Variants in SNTG1 observed in about 807,000 individuals in gnomAD.
The protein encoded by SNTG1 is gamma-1-syntrophin.
A neutral mutation model predicts 74.7 loss-of-function variants in SNTG1; 39 were observed. The observed-to-expected ratio is 0.52, with a 90% CI of 0.40 to 0.68. The LOEUF is 0.68. Among genes scored for constraint, SNTG1 ranks in the 30% least tolerant of loss-of-function variants. The pLI is 0.00. For missense variants in SNTG1, 685 were observed against 609.5 expected (o/e 1.12, Z -1.30); for synonymous variants, 254 against 217.1 (o/e 1.17, Z -1.49).
intron 4 of SNTG1, among the ~76,000 whole-genome samples, chr8:50,405,453 G>T (rs1307764710): frequency 1.3e-5 from 2 of 151,884 alleles, no homozygotes; most frequent in African/African-American, 4.8e-5. Context: ...GTCCTCTTTG[G>T]GTAAGTGTCT....
intron 2 of SNTG1, among the ~76,000 whole-genome samples, chr8:50,319,357 C>A (rs1270222165): frequency 7.2e-6 from 1 of 139,268 alleles, no homozygotes; most frequent in East Asian, 2.4e-4. Flanking sequence ...AAGCAAGACT[C>A]CTTCTCAAAA....
At chr8:50,436,178 G>T (rs1035628535) in intron 4 of SNTG1, among the ~76,000 whole-genome samples, 1 of 152,106 alleles carries the variant, frequency 6.6e-6, no homozygotes, top group African/African-American at 2.4e-5. Flanking sequence ...CTGGATGACT[G>T]CACCACTGAT....
intron 1 of SNTG1, among the ~76,000 whole-genome samples, chr8:50,093,675 G>A (rs1180786773): frequency 6.6e-6 from 1 of 152,088 alleles, no homozygotes; most frequent in Admixed American, 6.6e-5. Flanking sequence ...GAGATGCTAA[G>A]TATTATAAAA....
chr8:50,394,975 T>C (rs1335940144), intron 3 of SNTG1, among the ~76,000 whole-genome samples: 1 of 152,130 alleles, frequency 6.6e-6, no homozygotes, highest in Non-Finnish European at 1.5e-5. Flanking sequence ...ATTTTTTTAT[T>C]GTATATAAAC....
chr8:50,758,264 A>G (rs368624703), intron 18 of SNTG1, among the ~76,000 whole-genome samples: 1 of 151,876 alleles, frequency 6.6e-6, no homozygotes, highest in Non-Finnish European at 1.5e-5. Context: ...TGCTTGCCCT[A>G]TCTCTGTAAA....
chr8:50,175,778 C>A (rs2082978235), intron 2 of SNTG1, among the ~76,000 whole-genome samples: 1 of 152,156 alleles, frequency 6.6e-6, no homozygotes, highest in Non-Finnish European at 1.5e-5. Flanking sequence ...TTCTGACAAT[C>A]CTGAAAAGTA....
chr8:50,513,261 G>T (rs569244898), intron 9 of SNTG1, among the ~76,000 whole-genome samples: 1 of 152,308 alleles, frequency 6.6e-6, no homozygotes, highest in Admixed American at 6.5e-5. Flanking sequence ...ATTGCTGCCT[G>T]ATCGTTCCTC....
chr8:50,792,080 ATTT>A (rs33919155), intron 18 of SNTG1, among the ~76,000 whole-genome samples: 1 of 143,050 alleles, frequency 7.0e-6, no homozygotes, highest in African/African-American at 2.5e-5. Flanking sequence ...GCTCTAGTTT[ATTT>A]TTTTTTTTTT....
chr8:50,462,794 CTCTT>C lies in SNTG1; in HGVS notation c.363+12067_363+12070del, dbSNP rs2093576393. On this transcript the variant is annotated intron_variant, in intron 8 of 18. Coordinates refer to ENST00000642720, the MANE Select transcript of SNTG1 (RefSeq NM_018967.5). ...AACTCAGTCGCATCTTCAGGTTCTA[CTCTT>C]TTTTTTTTTTTTTTTTTTTTTTTTT... Among the ~76,000 whole-genome samples, 50 of 43,624 alleles carry C rather than the reference CTCTT, an allele frequency of 1.1e-3. 16 individuals are homozygous for C. Among genetic ancestry groups the C allele is most frequent in the African/African-American group, 3.0e-3 (40 of 13,410 alleles). The allele number at this position is 43,624 out of a possible 152,430, so 28.6% of individuals were successfully genotyped here. A position where few individuals can be genotyped will look rare whatever the true frequency, so the allele number is the denominator to read the frequency against.
intron 4 of SNTG1, among the ~76,000 whole-genome samples, chr8:50,411,245 G>A (rs2092944514): frequency 6.6e-6 from 1 of 151,946 alleles, no homozygotes; most frequent in Admixed American, 6.6e-5. Flanking sequence ...TCAGGAGATC[G>A]AGGCTATCCT....
chr8:50,008,164 T>C (rs1031596105), intron 1 of SNTG1, among the ~76,000 whole-genome samples: 2 of 152,124 alleles, frequency 1.3e-5, no homozygotes, highest in African/African-American at 4.8e-5. Flanking sequence ...CACATGTTTC[T>C]ATGTAGGAAG....
intron 8 of SNTG1, among the ~76,000 whole-genome samples, chr8:50,465,816 G>A (rs1293559169): frequency 6.6e-6 from 1 of 152,136 alleles, no homozygotes; most frequent in African/African-American, 2.4e-5. Flanking sequence ...TCATATGGAT[G>A]CAGTATAATT....
intron 15 of SNTG1, among the ~76,000 whole-genome samples, chr8:50,666,851 C>A (rs988724374): frequency 2.6e-5 from 4 of 152,014 alleles, no homozygotes; most frequent in African/African-American, 9.6e-5. Context: ...ATAATTACAT[C>A]TTCAATAAAT....
intron 15 of SNTG1, among the ~76,000 whole-genome samples, chr8:50,697,062 T>C (rs1015601641): frequency 6.6e-6 from 1 of 152,144 alleles, no homozygotes; most frequent in Non-Finnish European, 1.5e-5. Context: ...ATATTAATTC[T>C]ATTGATCCAT....
At chr8:50,381,319 T>G (rs1262141919) in intron 2 of SNTG1, among the ~76,000 whole-genome samples, 2 of 151,908 alleles carry the variant, frequency 1.3e-5, no homozygotes, top group Non-Finnish European at 2.9e-5. Context: ...ATAAACTATG[T>G]AATTGTTCCT....
At chr8:50,177,493 G>A (rs1339087123) in intron 2 of SNTG1, among the ~76,000 whole-genome samples, 1 of 152,178 alleles carries the variant, frequency 6.6e-6, no homozygotes, top group Non-Finnish European at 1.5e-5. Flanking sequence ...TTCCCACGGA[G>A]GAGGAGTTAC....
intron 2 of SNTG1, among the ~76,000 whole-genome samples, chr8:50,211,919 GTTA>G (rs994811831): frequency 6.6e-6 from 1 of 151,936 alleles, no homozygotes; most frequent in African/African-American, 2.4e-5. Context: ...CTCTCAAGGT[GTTA>G]TTATTTTCTA....
chr8:50,073,767 C>T lies in SNTG1; in HGVS notation c.-102-98794C>T, dbSNP rs146380540. ...CTGCCTCACAGCTCTTGGGTATTCA[C>T]GTGCATTATCAATAGCAGTCTGCTT... On this transcript the variant is annotated intron_variant, in intron 1 of 18. Transcript: ENST00000642720. Among the ~76,000 whole-genome samples, 19 of 151,916 alleles carry T rather than the reference C, an allele frequency of 1.3e-4. No individual in the cohort carries two copies. The East Asian group carries it at 1.4e-3, about 11-fold the overall frequency.
At chr8:50,691,215 G>A (rs542071461) in intron 15 of SNTG1, among the ~76,000 whole-genome samples, 28 of 152,250 alleles carry the variant, frequency 1.8e-4, no homozygotes, top group Admixed American at 1.2e-3. Flanking sequence ...TTGCCAGTCT[G>A]TGTCTTTCAA....
Sources: allele counts gnomAD v4.1 joint callset (sites outside exome capture counted in the v4.1 genomes callset), GRCh38; gene constraint gnomAD v4.1.1; transcripts MANE v1.5; gene names NCBI Gene and HGNC (gene_info 2026-07-23, HGNC 2026-07-21).